The following SLC2A2 variants were observed in gnomAD, a reference collection of about 807,000 sequenced individuals.
SLC2A2 encodes solute carrier family 2 member 2.
SLC2A2 carries 36 observed loss-of-function variants against 54.5 expected under a neutral mutation model. The ratio of observed to expected loss-of-function variants is 0.66; its 90% CI spans 0.51 to 0.87. The LOEUF is 0.87. Ranked by LOEUF, SLC2A2 falls within the 40% of genes least tolerant of loss-of-function variation. The probability of loss-of-function intolerance (pLI) is 0.00; values close to 1 mark genes in which losing one functional copy is unlikely to be tolerated. For missense variants in SLC2A2, 543 were observed against 624.3 expected (o/e 0.87, Z 1.39); for synonymous variants, 223 against 219.1 (o/e 1.02, Z -0.16).
At chr3:171,012,143 T>C (rs1393162428) in intron 3 of SLC2A2, among the ~76,000 whole-genome samples, 1 of 152,164 alleles carries the variant, frequency 6.6e-6, no homozygotes, top group Non-Finnish European at 1.5e-5. Flanking sequence ...ATCATCAAAA[T>C]GAGGCCACAT....
intron 1 of SLC2A2, among the ~76,000 whole-genome samples, chr3:171,025,349 T>C (rs1716641699): frequency 8.2e-6 from 1 of 121,494 alleles, no homozygotes; most frequent in South Asian, 2.3e-4. Context: ...ATAAATACTA[T>C]TTAAATATGT....
At chr3:171,005,597 A>G in intron 6 of SLC2A2, 125 bp from the exon 7 acceptor site, 2 of 766,044 alleles carry the variant, frequency 2.6e-6, no homozygotes, top group Non-Finnish European at 4.3e-6. Flanking sequence ...TGGGTGTTGG[A>G]AATTCTTTTT....
chr3:171,003,975 TA>T (rs1263770125), intron 7 of SLC2A2, among the ~76,000 whole-genome samples: 1 of 152,050 alleles, frequency 6.6e-6, no homozygotes, highest in African/African-American at 2.4e-5. Context: ...ACCTTTCTAA[TA>T]GCCTTTTAAA....
At chr3:170,998,571 C>T (rs755428536) in intron 9 of SLC2A2, among the ~76,000 whole-genome samples, 175 bp from the exon 10 acceptor site, 1 of 152,122 alleles carries the variant, frequency 6.6e-6, no homozygotes, top group Non-Finnish European at 1.5e-5. Flanking sequence ...TCATGCATAA[C>T]TCTTTAGATT....
chr3:171,010,528 G>A (rs1715835918), intron 3 of SLC2A2, among the ~76,000 whole-genome samples: 1 of 152,108 alleles, frequency 6.6e-6, no homozygotes, highest in Non-Finnish European at 1.5e-5. Context: ...TTTTCTCTAA[G>A]TTGATTGTTT....
chr3:171,019,135 A>G (rs1198824218), intron 1 of SLC2A2, among the ~76,000 whole-genome samples: 5 of 115,892 alleles, frequency 4.3e-5, no homozygotes, highest in Admixed American at 1.8e-4. Flanking sequence ...GTATGTATAT[A>G]TATATATATA....
chr3:171,004,877 A>G (rs1208033858), intron 7 of SLC2A2, among the ~76,000 whole-genome samples: 1 of 151,964 alleles, frequency 6.6e-6, no homozygotes, highest in Non-Finnish European at 1.5e-5. Context: ...GCTATCTGGT[A>G]TACTTCATTT....
At chr3:171,014,784 GT>G (rs1716061763) in intron 2 of SLC2A2, 53 bp from the exon 3 acceptor site, 2 of 1,508,324 alleles carry the variant, frequency 1.3e-6, no homozygotes, top group Non-Finnish European at 1.8e-6. Context: ...ATGTATTTTT[GT>G]TTTTGTCTTT....
At chr3:171,010,160 AT>A (rs368885987) in intron 3 of SLC2A2, 78 bp from the exon 4 acceptor site, 124 of 1,448,646 alleles carry the variant, frequency 8.6e-5, no homozygotes, top group Non-Finnish European at 1.0e-4. Flanking sequence ...GCATGTTGAG[AT>A]TTTTTTTAAC....
intron 1 of SLC2A2, among the ~76,000 whole-genome samples, chr3:171,025,963 C>T (rs192913687): frequency 1.3e-5 from 2 of 152,206 alleles, no homozygotes; most frequent in Non-Finnish European, 2.9e-5. Flanking sequence ...GTTGATCTCT[C>T]GCTCTGTAGT....
At chr3:171,008,508 G>T (rs758213624) in intron 4 of SLC2A2, among the ~76,000 whole-genome samples, 13 of 152,034 alleles carry the variant, frequency 8.6e-5, no homozygotes, top group Non-Finnish European at 1.6e-4. Flanking sequence ...GAACTTTAAT[G>T]CTCAGAATAG....
Position 171,005,302 on chromosome 3 carries a change from A to T in SLC2A2, c.946T>A (p.Phe316Ile). 6.2e-7 allele frequency: 1 copy of T among 1,612,946 alleles called. No individual in the cohort carries two copies. Among genetic ancestry groups the T allele is most frequent in the Non-Finnish European group, 8.5e-7 (1 of 1,179,250 alleles). ...AAACTTACGCCATTGATTCCGGAAA[A>T]TTGCTGAGCCACATGCAGCATCAGT... ...VALMLHVAQQ[F>I]SGINGIFYYS... Residue 316 changes from phenylalanine to isoleucine, a missense_variant, in exon 7 of 11, where the codon TTT (phenylalanine) becomes ATT (isoleucine). By Grantham distance (21) the Phe-to-Ile change is conservative (BLOSUM62 0). Around this residue, in one of 3 missense-constraint regions of SLC2A2, gnomAD observed 117 missense variants for 179.2 expected, o/e 0.65. Coordinates refer to ENST00000314251, the MANE Select transcript of SLC2A2 (RefSeq NM_000340.2).
At chr3:171,018,454 C>G in intron 2 of SLC2A2, 77 bp downstream of exon 2, 1 of 1,025,184 alleles carries the variant, frequency 9.8e-7, no homozygotes, top group Non-Finnish European at 1.5e-6. Flanking sequence ...CACCCTTTAT[C>G]TCTGTGTATG....
rs1715195651 is a variant in SLC2A2 at position 170,998,402 on chromosome 3, G to GA, written c.1171-7dup. On this transcript the variant is annotated splice_region_variant and splice_polypyrimidine_tract_variant and intron_variant, in intron 9 of 10. Transcript: ENST00000314251. Reference sequence around the variant, plus strand: ...CTCATCCAAGAGAACTTATTCTGAGGAAAAAAACAAAAACAATAGTGGGAC... The same window carrying GA: ...CTCATCCAAGAGAACTTATTCTGAGGAAAAAAAACAAAAACAATAGTGGGAC... 1.2e-6 allele frequency: 2 copies of GA among 1,612,342 alleles called. No homozygotes were observed. Among genetic ancestry groups the GA allele is most frequent in the Non-Finnish European group, 1.7e-6 (2 of 1,178,920 alleles).
In SLC2A2 at chr3:171,007,251, C is replaced by A; in HGVS notation, c.509G>T (p.Gly170Val). 6.2e-7 allele frequency: 1 copy of A among 1,603,400 alleles called. No individual in the cohort carries two copies. The highest frequency in any genetic ancestry group is 8.5e-7 in the Non-Finnish European group (1 of 1,170,802). The change falls in exon 5 of 11, where the codon GGC becomes GTC. Residue 170 changes from glycine to valine, a missense_variant. Physicochemically the swap from Gly to Val is moderately radical, Grantham distance 109. This residue lies in a region of SLC2A2 where 318 missense variants were observed against 343.8 expected (regional missense o/e 0.93). Transcript: ENST00000314251. ...TTCACCGATATACATAGGAACCAGG[C>A]CTGAAATTAGCCCTGCATGAAACAT... The part of the protein sequence containing the change: ...ISGLYCGLIS[G>V]LVPMYIGEIA...
intron 5 of SLC2A2, among the ~76,000 whole-genome samples, chr3:171,006,625 A>T (rs549408625): frequency 6.6e-6 from 1 of 152,102 alleles, no homozygotes; most frequent in Admixed American, 6.6e-5. Flanking sequence ...CAGTTTATAG[A>T]CTACCCTCTG....
In SLC2A2 at chr3:171,007,146, A is replaced by G. The variant is rs1281471314; in HGVS notation, c.612+2T>C. On this transcript the variant is annotated splice_donor_variant, in intron 5 of 10. Transcript: ENST00000314251. LOFTEE classifies it high-confidence loss of function. ...TAGGGGATAAGGATGGGGAGTTTTT[A>G]CCTGACTAATAAGAATGCCCGTGAC... 6.3e-7 allele frequency: 1 copy of G among 1,589,192 alleles called. No individual in the cohort carries two copies. The highest frequency in any genetic ancestry group is 8.6e-7 in the Non-Finnish European group (1 of 1,158,092).
rs547497666 is a variant in SLC2A2, at chr3:170,999,369, G to A, written c.1069-203C>T. 1.8e-4 allele frequency among the ~76,000 whole-genome samples: 27 copies of A among 152,132 alleles called. 1 individual carries two copies. The highest frequency in any genetic ancestry group is 6.8e-3 in the Middle Eastern group (2 of 294). On this transcript the variant is annotated intron_variant, in intron 8 of 10. Coordinates refer to ENST00000314251, the MANE Select transcript of SLC2A2 (RefSeq NM_000340.2). ...GGCAGAGCTAGTTTCAGTGGACAGC[G>A]GGTAATGATCAAATATCTGCTTAAT...
intron 1 of SLC2A2, among the ~76,000 whole-genome samples, chr3:171,020,505 C>T (rs1359999707): frequency 6.6e-6 from 1 of 151,642 alleles, no homozygotes; most frequent in Non-Finnish European, 1.5e-5. Flanking sequence ...CAAAGTTGAC[C>T]CAAAAGACAT....
Sources: allele counts gnomAD v4.1 joint callset (sites outside exome capture counted in the v4.1 genomes callset), GRCh38; gene constraint gnomAD v4.1.1; regional missense constraint gnomAD v4.1.1; transcripts MANE v1.5; gene names NCBI Gene and HGNC (gene_info 2026-07-23, HGNC 2026-07-21).